Variants in LZTS1 observed in about 807,000 individuals in gnomAD.
LZTS1 encodes leucine zipper putative tumor suppressor 1.
Under a neutral mutation model 45.8 loss-of-function variants are expected in LZTS1, and 31 were observed. That is an observed-to-expected ratio of 0.68 (90% confidence interval 0.51 to 0.91). The LOEUF is 0.91. Among genes scored for constraint, LZTS1 ranks in the 40% least tolerant of loss-of-function variants. LZTS1 has a pLI of 0.00. For missense variants in LZTS1, 821 were observed against 788.9 expected, an observed-to-expected ratio of 1.04 and a Z score of -0.49; for synonymous variants, 359 against 357.3, an observed-to-expected ratio of 1.00 and a Z score of -0.05.
At chr8:20,303,688 C>T in intron 1 of LZTS1, 52 bp downstream of exon 1, 1 of 985,448 alleles carries the variant, frequency 1.0e-6, no homozygotes, top group Non-Finnish European at 1.2e-6. Flanking sequence ...TTCCCGCAGC[C>T]AGGGCAGCAG....
At chr8:20,287,897 CAAAAAAAAAAAAA>C (rs34653802) in intron 1 of LZTS1, among the ~76,000 whole-genome samples, 10 of 54,118 alleles carry the variant, frequency 1.8e-4, no homozygotes, top group African/African-American at 3.0e-4. Flanking sequence ...GCACTCCAGC[CAAAAAAAAAAAAA>C]AAAAAAAAAA....
chr8:20,265,682 A>G (rs1252946734), intron 1 of LZTS1, among the ~76,000 whole-genome samples: 1 of 145,076 alleles, frequency 6.9e-6, no homozygotes, highest in Non-Finnish European at 1.5e-5. Context: ...GTCTCAAAAA[A>G]AAAAAAAAAA....
At chr8:20,288,651 C>G (rs1023793367) in intron 1 of LZTS1, among the ~76,000 whole-genome samples, 1 of 152,208 alleles carries the variant, frequency 6.6e-6, no homozygotes, top group Non-Finnish European at 1.5e-5. Flanking sequence ...AGCCGTCTAG[C>G]AATACACACG....
At chr8:20,284,713 T>C (rs1313686531) in intron 1 of LZTS1, among the ~76,000 whole-genome samples, 1 of 152,136 alleles carries the variant, frequency 6.6e-6, no homozygotes, top group Non-Finnish European at 1.5e-5. Flanking sequence ...GGGGCCTGCA[T>C]CATCTCATGC....
chr8:20,296,455 C>T (rs999546042), intron 1 of LZTS1, among the ~76,000 whole-genome samples: 1 of 152,316 alleles, frequency 6.6e-6, no homozygotes, highest in East Asian at 1.9e-4. Flanking sequence ...TTCGTGGCCA[C>T]CTAAAGACTG....
chr8:20,266,377 C>T (rs1283772538), intron 1 of LZTS1, among the ~76,000 whole-genome samples: 1 of 152,170 alleles, frequency 6.6e-6, no homozygotes, highest in Non-Finnish European at 1.5e-5. Context: ...ACAGGGACTA[C>T]TGACCTAGTT....
At chr8:20,269,372 A>G (rs1189854301) in intron 1 of LZTS1, among the ~76,000 whole-genome samples, 1 of 152,208 alleles carries the variant, frequency 6.6e-6, no homozygotes, top group African/African-American at 2.4e-5. Context: ...CAGAGACTGC[A>G]ACCTAGGAGC....
At chr8:20,257,784 C>G (rs1050532817) in intron 1 of LZTS1, among the ~76,000 whole-genome samples, 7 of 151,736 alleles carry the variant, frequency 4.6e-5, no homozygotes, top group Non-Finnish European at 8.8e-5. Flanking sequence ...ATTCTCCCAC[C>G]TCAGTCTCCC....
Position 20,280,860 on chromosome 8 carries a change from A to T in LZTS1, c.-135+22880T>A, listed in dbSNP as rs137947656. Among the ~76,000 whole-genome samples the T allele has an allele frequency of 2.0e-5, 3 of 152,230 alleles. No individual in the cohort carries two copies. The South Asian group carries it at 6.2e-4, about 32-fold the overall frequency. On this transcript the variant is annotated intron_variant, in intron 1 of 3. Coordinates refer to ENST00000381569, the MANE Select transcript of LZTS1 (RefSeq NM_021020.5). The stretch of plus-strand genomic sequence containing the variant: ...ATTAGCCTGGCATTCAAGGCTCTCT[A>T]AAAAACCGCTCACAAGTACCTCCCA...
At chr8:20,266,089 T>C (rs983754877) in intron 1 of LZTS1, among the ~76,000 whole-genome samples, 4 of 151,938 alleles carry the variant, frequency 2.6e-5, no homozygotes, top group Non-Finnish European at 5.9e-5. Context: ...GTGGTGCAAT[T>C]GTAGCCCACT....
At chr8:20,288,211 T>G (rs1800830751) in intron 1 of LZTS1, among the ~76,000 whole-genome samples, 1 of 152,122 alleles carries the variant, frequency 6.6e-6, no homozygotes, top group Admixed American at 6.5e-5. Flanking sequence ...CCCACACAGC[T>G]GGGGGATTCT....
At chr8:20,257,501 T>G (rs537261001) in intron 1 of LZTS1, among the ~76,000 whole-genome samples, 1 of 152,214 alleles carries the variant, frequency 6.6e-6, no homozygotes, top group East Asian at 1.9e-4. Flanking sequence ...ATTGAGAAGA[T>G]TCAAGAGAGA....
intron 1 of LZTS1, among the ~76,000 whole-genome samples, chr8:20,280,247 C>T (rs543024259): frequency 6.6e-6 from 1 of 152,310 alleles, no homozygotes; most frequent in East Asian, 1.9e-4. Flanking sequence ...GTGCACCCTT[C>T]CTTCTGCTTT....
At chr8:20,287,611 G>C (rs1263306072) in intron 1 of LZTS1, among the ~76,000 whole-genome samples, 2 of 152,146 alleles carry the variant, frequency 1.3e-5, no homozygotes, top group Non-Finnish European at 2.9e-5. Flanking sequence ...AGAGAGAAGA[G>C]TGAGTGAAGG....
At chr8:20,281,088 G>A (rs1018715939) in intron 1 of LZTS1, among the ~76,000 whole-genome samples, 1 of 152,194 alleles carries the variant, frequency 6.6e-6, no homozygotes, top group Non-Finnish European at 1.5e-5. Flanking sequence ...TAACGTAATG[G>A]TTATAGGAAT....
At position 20,259,101 on chromosome 8, in the gene LZTS1, T is replaced by G. The variant is rs573387792; in HGVS notation, c.-134-3786A>C. ...TCTGCGCAATATGCTCAGCTCCTCC[T>G]TTTTTTGCCATGCAATACACATTGC... is the stretch of plus-strand genomic sequence containing the variant. On this transcript the variant is annotated intron_variant, in intron 1 of 3. Transcript: ENST00000381569. 2.6e-5 allele frequency among the ~76,000 whole-genome samples: 4 copies of G among 152,218 alleles called. No homozygotes were observed. In the East Asian group the frequency reaches 7.7e-4, roughly 29 times the overall value.
At chr8:20,273,737 T>C (rs1800520222) in intron 1 of LZTS1, among the ~76,000 whole-genome samples, 1 of 152,044 alleles carries the variant, frequency 6.6e-6, no homozygotes, top group Admixed American at 6.6e-5. Context: ...TCTAAGTTGC[T>C]ATCATAGTTC....
intron 1 of LZTS1, among the ~76,000 whole-genome samples, chr8:20,265,043 G>C (rs1193187915): frequency 1.3e-5 from 2 of 152,148 alleles, no homozygotes; most frequent in African/African-American, 4.8e-5. Flanking sequence ...CACCCTGTGG[G>C]TTCAAGTGCT....
At chr8:20,267,646 G>A (rs964584799) in intron 1 of LZTS1, among the ~76,000 whole-genome samples, 2 of 152,138 alleles carry the variant, frequency 1.3e-5, no homozygotes, top group African/African-American at 4.8e-5. Flanking sequence ...CTCCCAAGTA[G>A]CTGGGACTAC....
Sources: allele counts gnomAD v4.1 joint callset (sites outside exome capture counted in the v4.1 genomes callset), GRCh38; gene constraint gnomAD v4.1.1; transcripts MANE v1.5; gene names NCBI Gene and HGNC (gene_info 2026-07-23, HGNC 2026-07-21).